The following CHMP2B variants were observed in gnomAD, a reference collection of about 807,000 sequenced individuals.
The protein encoded by CHMP2B is VPS2 homolog B.
In CHMP2B, 22 loss-of-function variants were observed where a neutral mutation model predicts 29.8. That is an observed-to-expected ratio of 0.74 (90% CI 0.53 to 1.05). The LOEUF (loss-of-function observed/expected upper bound fraction) is 1.05, where lower values mean the gene tolerates loss of function less well. Ranked by LOEUF, CHMP2B falls within the 50% of genes least tolerant of loss-of-function variation. CHMP2B has a pLI of 0.00. For missense variants in CHMP2B, 261 were observed against 252.2 expected (o/e 1.03, Z -0.24); for synonymous variants, 78 against 75.8 (o/e 1.03, Z -0.15).
intron 2 of CHMP2B, among the ~76,000 whole-genome samples, chr3:87,241,532 AGAATTTTATATAAATG>A (rs1275330539): frequency 1.3e-5 from 2 of 152,170 alleles, no homozygotes; most frequent in African/African-American, 2.4e-5. Flanking sequence ...TTTCATTTCT[AGAATTTTATATAAATG>A]GAATCATATA....
chr3:87,238,729 C>G (rs1277605293), intron 1 of CHMP2B, among the ~76,000 whole-genome samples: 1 of 152,034 alleles, frequency 6.6e-6, no homozygotes, highest in East Asian at 1.9e-4. Context: ...TTATTTCCAC[C>G]TTTTGGCTAA....
chr3:87,242,730 G>C (rs13059495), intron 2 of CHMP2B, among the ~76,000 whole-genome samples: 47,628 of 151,894 alleles, frequency 0.31, 9,305 homozygotes, highest in Non-Finnish European at 0.44. Flanking sequence ...TTCCCTTGTC[G>C]TCTTTGTGGA....
chr3:87,228,650 A>G (rs1423087992), intron 1 of CHMP2B, among the ~76,000 whole-genome samples: 3 of 152,224 alleles, frequency 2.0e-5, no homozygotes, highest in Admixed American at 2.0e-4. Context: ...ACTTCATTTC[A>G]ACACATAATC....
At chr3:87,241,706 C>T (rs1438066972) in intron 2 of CHMP2B, among the ~76,000 whole-genome samples, 2 of 151,926 alleles carry the variant, frequency 1.3e-5, no homozygotes, top group African/African-American at 4.8e-5. Context: ...ATCTGTTTAC[C>T]AGCCAGTGGA....
intron 1 of CHMP2B, chr3:87,240,471 C>G (rs1030147858): frequency 2.5e-6 from 1 of 394,646 alleles, no homozygotes; most frequent in South Asian, 2.2e-5. Context: ...CCACCACACC[C>G]GGCTAATTTT....
chr3:87,243,865 C>G (rs771622918), intron 2 of CHMP2B, among the ~76,000 whole-genome samples: 3 of 151,392 alleles, frequency 2.0e-5, no homozygotes, highest in Non-Finnish European at 4.4e-5. Context: ...ACTGTGTTCT[C>G]TCTCTCTCTG....
intron 3 of CHMP2B, among the ~76,000 whole-genome samples, chr3:87,248,767 G>A (rs188736612): frequency 1.7e-4 from 26 of 149,202 alleles, no homozygotes; most frequent in Admixed American, 9.3e-4. Context: ...GGTGGGGAGG[G>A]ATGGGGGGAA....
At chr3:87,232,825 T>G (rs533189307) in intron 1 of CHMP2B, among the ~76,000 whole-genome samples, 1 of 152,266 alleles carries the variant, frequency 6.6e-6, no homozygotes, top group East Asian at 1.9e-4. Context: ...TACTAAAGCC[T>G]TTGCCGTTGA....
At chr3:87,244,329 C>A (rs1706175015) in intron 2 of CHMP2B, among the ~76,000 whole-genome samples, 1 of 151,580 alleles carries the variant, frequency 6.6e-6, no homozygotes, top group African/African-American at 2.4e-5. Context: ...CAGGCGTGAG[C>A]CACAGATTTT....
intron 1 of CHMP2B, among the ~76,000 whole-genome samples, chr3:87,240,104 T>G (rs1706088248): frequency 6.6e-6 from 1 of 152,176 alleles, no homozygotes; most frequent in South Asian, 2.1e-4. Flanking sequence ...TTAAACACTA[T>G]ACTAATCAGT....
intron 1 of CHMP2B, among the ~76,000 whole-genome samples, chr3:87,228,147 T>C (rs1260840929): frequency 6.6e-6 from 1 of 152,176 alleles, no homozygotes; most frequent in Admixed American, 6.5e-5. Context: ...TTTTTCTCCC[T>C]TATGATTATT....
At chr3:87,245,441 T>A (rs1366025768) in intron 2 of CHMP2B, among the ~76,000 whole-genome samples, 10 of 151,406 alleles carry the variant, frequency 6.6e-5, no homozygotes, top group South Asian at 4.1e-4. Context: ...TTTTTTTTTT[T>A]AATTTTCTTC....
rs1706360210 is a variant in CHMP2B, at chr3:87,254,032, A to G, written c.*210A>G. On this transcript the variant is annotated 3_prime_UTR_variant, in exon 6 of 6. Coordinates refer to ENST00000263780, the MANE Select transcript of CHMP2B (RefSeq NM_014043.4). ...AATGGGAACAGTTTGGATTTTAATT[A>G]GAACTGTTTAGGAGTGATGATGTGT... 6.1e-6 allele frequency: 3 copies of G among 488,386 alleles called. No individual in the cohort carries two copies. The highest frequency in any genetic ancestry group is 7.4e-6 in the Non-Finnish European group (2 of 268,704). The allele number at this position is 488,386 out of a possible 1,614,324, so 30.3% of individuals were successfully genotyped here. A position where few individuals can be genotyped will look rare whatever the true frequency, so the allele number is the denominator to read the frequency against.
chr3:87,240,743 G>T lies in CHMP2B; in HGVS notation c.79G>T (p.Ala27Ser). 6.2e-7 allele frequency: 1 copy of T among 1,613,660 alleles called. No individual in the cohort carries two copies. The highest frequency in any genetic ancestry group is 8.5e-7 in the Non-Finnish European group (1 of 1,179,668). Reference protein sequence around the residue: ...QNRELRGTQRAIIRDRAALEK... With the variant: ...QNRELRGTQRSIIRDRAALEK... ...TCGAGAGTTACGAGGTACACAGAGG[G>T]CTATAATCAGAGATCGAGCAGCTTT... Residue 27 changes from alanine (A) to serine (S), a missense_variant, in exon 2 of 6, where the codon GCT (alanine) becomes TCT (serine). Coordinates refer to ENST00000263780, the MANE Select transcript of CHMP2B (RefSeq NM_014043.4).
At chr3:87,229,710 A>C (rs1705873693) in intron 1 of CHMP2B, among the ~76,000 whole-genome samples, 1 of 152,110 alleles carries the variant, frequency 6.6e-6, no homozygotes, top group South Asian at 2.1e-4. Flanking sequence ...CTGACTTTTA[A>C]ATCTGTTCCA....
At chr3:87,233,584 T>A (rs1705944415) in intron 1 of CHMP2B, among the ~76,000 whole-genome samples, 1 of 152,128 alleles carries the variant, frequency 6.6e-6, no homozygotes, top group South Asian at 2.1e-4. Context: ...TTTTCTTATA[T>A]CCATAGCACA....
chr3:87,227,333 C>T lies in CHMP2B; in HGVS notation c.-190C>T. The stretch of plus-strand genomic sequence containing the variant: ...TGTTAGTTCCCGGTCACCTGAGCTC[C>T]GGGTGACGCGGCTGCGGTAGCTGCG... On this transcript the variant is annotated 5_prime_UTR_variant, in exon 1 of 6. Coordinates refer to ENST00000263780, the MANE Select transcript of CHMP2B (RefSeq NM_014043.4). 3.1e-6 allele frequency: 2 copies of T among 643,254 alleles called. No individual in the cohort carries two copies. The highest frequency in any genetic ancestry group is 5.6e-6 in the Non-Finnish European group (2 of 358,664). 39.8% of individuals were successfully genotyped at this position (643,254 alleles called of 1,614,324 possible). A position where few individuals can be genotyped will look rare whatever the true frequency, so the allele number is the denominator to read the frequency against.
At chr3:87,230,660 C>T (rs145777702) in intron 1 of CHMP2B, among the ~76,000 whole-genome samples, 100 of 152,244 alleles carry the variant, frequency 6.6e-4, no homozygotes, top group African/African-American at 2.3e-3. Context: ...AGCATTTCTT[C>T]GAAAGTATGG....
intron 4 of CHMP2B, among the ~76,000 whole-genome samples, chr3:87,250,329 G>C (rs1208019507): frequency 6.6e-6 from 1 of 151,688 alleles, no homozygotes; most frequent in African/African-American, 2.4e-5. Context: ...TTTTTTGTTT[G>C]TTTTTATTCT....
Sources: allele counts gnomAD v4.1 joint callset (sites outside exome capture counted in the v4.1 genomes callset), GRCh38; gene constraint gnomAD v4.1.1; transcripts MANE v1.5; gene names NCBI Gene and HGNC (gene_info 2026-07-23, HGNC 2026-07-21).